Variants in GADL1 observed in about 807,000 individuals in gnomAD.
GADL1 encodes GAD like acidic amino acid decarboxylase 1.
Under a neutral mutation model 69.5 loss-of-function variants are expected in GADL1, and 71 were observed. That is an observed-to-expected ratio of 1.02 (90% confidence interval 0.84 to 1.25). GADL1 has a LOEUF of 1.25. Among genes scored for constraint, GADL1 ranks in the 50% most tolerant of loss-of-function variants. The pLI is 0.00. For synonymous variants in GADL1, 254 were observed against 214.4 expected (o/e 1.18, Z -1.62); for missense variants, 737 against 631.8 (o/e 1.17, Z -1.79).
chr3:30,853,323 A>AC (rs964786192), intron 4 of GADL1, among the ~76,000 whole-genome samples: 8 of 152,042 alleles, frequency 5.3e-5, no homozygotes, highest in African/African-American at 1.9e-4. Flanking sequence ...CTGGGTTGGC[A>AC]CCCAGGTATC....
At chr3:30,774,174 A>G (rs2125493964) in intron 14 of GADL1, among the ~76,000 whole-genome samples, 2 of 152,236 alleles carry the variant, frequency 1.3e-5, no homozygotes, top group East Asian at 3.9e-4. Context: ...CATGATTTTG[A>G]GAGGGTTGCT....
chr3:30,879,751 T>C (rs1258800401), intron 1 of GADL1, among the ~76,000 whole-genome samples: 3 of 151,954 alleles, frequency 2.0e-5, no homozygotes, highest in South Asian at 4.1e-4. Context: ...TTTTTCTTGA[T>C]GCTAGCCTCA....
At chr3:30,796,713 C>T (rs895042078) in intron 12 of GADL1, among the ~76,000 whole-genome samples, 5 of 152,172 alleles carry the variant, frequency 3.3e-5, no homozygotes, top group African/African-American at 1.2e-4. Context: ...ACTGCTGATA[C>T]TGTTGAAGCA....
intron 12 of GADL1, among the ~76,000 whole-genome samples, chr3:30,795,691 T>C (rs1046360438): frequency 5.3e-5 from 8 of 152,182 alleles, no homozygotes; most frequent in Non-Finnish European, 8.8e-5. Context: ...CTGTTGCTAA[T>C]TTACTATAAA....
intron 1 of GADL1, among the ~76,000 whole-genome samples, chr3:30,870,393 T>C: frequency 6.6e-6 from 1 of 151,794 alleles, no homozygotes; most frequent in East Asian, 1.9e-4. Context: ...ATAAGCTGGC[T>C]TCTTTAAGAA....
chr3:30,814,454 T>C lies in GADL1; in HGVS notation c.1051-13366A>G, dbSNP rs115187656. The stretch of plus-strand genomic sequence containing the variant: ...TGTATAGGGCCAGGTAGTAAATACT[T>C]TCAGGTTTGCAAGCCATATGATCTC... On this transcript the variant is annotated intron_variant, in intron 11 of 14. Transcript: ENST00000282538. 2.6e-3 allele frequency among the ~76,000 whole-genome samples: 391 copies of C among 152,284 alleles called. 3 individuals carry two copies. Among genetic ancestry groups the C allele is most frequent in the African/African-American group, 9.1e-3 (378 of 41,564 alleles).
intron 12 of GADL1, among the ~76,000 whole-genome samples, chr3:30,787,872 T>A (rs950731997): frequency 2.2e-4 from 33 of 152,180 alleles, no homozygotes; most frequent in African/African-American, 7.5e-4. Flanking sequence ...AATGTGAATA[T>A]GGAATACACT....
intron 9 of GADL1, among the ~76,000 whole-genome samples, chr3:30,835,224 T>C (rs913191613): frequency 6.6e-6 from 1 of 152,008 alleles, no homozygotes; most frequent in Non-Finnish European, 1.5e-5. Context: ...CATCATTACT[T>C]AAGGAAGGTG....
intron 14 of GADL1, among the ~76,000 whole-genome samples, chr3:30,770,763 G>T (rs921195086): frequency 2.0e-5 from 3 of 152,028 alleles, no homozygotes; most frequent in African/African-American, 7.2e-5. Flanking sequence ...TCAAGAGATA[G>T]GCTAAACTCA....
chr3:30,889,545 A>G (rs1210896675), intron 1 of GADL1, among the ~76,000 whole-genome samples: 1 of 152,268 alleles, frequency 6.6e-6, no homozygotes, highest in Non-Finnish European at 1.5e-5. Flanking sequence ...AAAGTTAACC[A>G]TGACTTACAG....
intron 11 of GADL1, among the ~76,000 whole-genome samples, chr3:30,801,752 A>AT (rs1697169635): frequency 6.6e-6 from 1 of 152,182 alleles, no homozygotes; most frequent in Non-Finnish European, 1.5e-5. Context: ...CATCACGATT[A>AT]TAGGGCCTTT....
intron 3 of GADL1, among the ~76,000 whole-genome samples, chr3:30,855,715 A>G (rs1352814484): frequency 6.6e-6 from 1 of 152,048 alleles, no homozygotes. Flanking sequence ...CAATCTCAGG[A>G]AGCTCAGCAT....
chr3:30,765,979 A>AG (rs896623958), intron 14 of GADL1, among the ~76,000 whole-genome samples: 2 of 152,206 alleles, frequency 1.3e-5, no homozygotes, highest in Admixed American at 6.5e-5. Context: ...GTATATGAAA[A>AG]GGGGTACTCA....
Position 30,728,412 on chromosome 3 carries a change from C to T in GADL1, c.1396G>A (p.Ala466Thr). The stretch of plus-strand genomic sequence containing the variant: ...ATCATCCTCTCCTTAATGGCTGGGG[C>T]CACCTGTGTGGGGAGAAAAGGGGAG... Reference protein sequence around the residue: ...PEFWAKLNLVAPAIKERMMKK... With the variant: ...PEFWAKLNLVTPAIKERMMKK... The change falls in exon 15 of 15, where the codon GCC (alanine) becomes ACC (threonine). Residue 466 changes from alanine (A) to threonine (T), a missense_variant. Physicochemically the swap from Ala to Thr is moderately conservative, Grantham distance 58. Transcript: ENST00000282538. 1 of 1,613,104 alleles carries T rather than the reference C, an allele frequency of 6.2e-7. No homozygotes were observed. Among genetic ancestry groups the T allele is most frequent in the Non-Finnish European group, 8.5e-7 (1 of 1,179,528 alleles).
intron 8 of GADL1, among the ~76,000 whole-genome samples, chr3:30,843,014 T>TA (rs1391209650): frequency 2.0e-5 from 3 of 151,958 alleles, no homozygotes; most frequent in East Asian, 1.9e-4. Context: ...TTAAAAACAT[T>TA]AAAAAACCCA....
chr3:30,863,224 T>C (rs1032207881), intron 1 of GADL1, among the ~76,000 whole-genome samples: 28 of 152,150 alleles, frequency 1.8e-4, no homozygotes, highest in Non-Finnish European at 3.1e-4. Flanking sequence ...ATATTACAGA[T>C]ACTGCTTTGT....
At chr3:30,782,550 G>A (rs894452571) in intron 13 of GADL1, among the ~76,000 whole-genome samples, 1 of 152,150 alleles carries the variant, frequency 6.6e-6, no homozygotes, top group Non-Finnish European at 1.5e-5. Flanking sequence ...GGTGTCTGTG[G>A]CATCTAGGTG....
At chr3:30,780,963 G>T (rs1262383821) in intron 13 of GADL1, among the ~76,000 whole-genome samples, 1 of 152,138 alleles carries the variant, frequency 6.6e-6, no homozygotes, top group African/African-American at 2.4e-5. Context: ...TTCTTAAAGA[G>T]ACTTCAAAGC....
chr3:30,764,314 T>C (rs1696215326), intron 14 of GADL1, among the ~76,000 whole-genome samples: 1 of 152,182 alleles, frequency 6.6e-6, no homozygotes, highest in Non-Finnish European at 1.5e-5. Context: ...ATCTGATAGA[T>C]TCTGGTGTGT....
Sources: allele counts gnomAD v4.1 joint callset (sites outside exome capture counted in the v4.1 genomes callset), GRCh38; gene constraint gnomAD v4.1.1; transcripts MANE v1.5; gene names NCBI Gene and HGNC (gene_info 2026-07-23, HGNC 2026-07-21).